The following MAPK8 variants were observed in gnomAD, a reference collection of about 807,000 sequenced individuals.
MAPK8 encodes the protein mitogen-activated protein kinase 8.
MAPK8 carries 13 observed loss-of-function variants against 52.9 expected under a neutral mutation model. The observed-to-expected ratio is 0.25, with a 90% CI of 0.16 to 0.39. The LOEUF (loss-of-function observed/expected upper bound fraction) is 0.39, where lower values mean the gene tolerates loss of function less well. Among genes scored for constraint, MAPK8 ranks in the 10% least tolerant of loss-of-function variants. The probability of loss-of-function intolerance (pLI) is 1.00; values close to 1 mark genes in which losing one functional copy is unlikely to be tolerated. For missense variants in MAPK8, 300 were observed against 519.2 expected, an observed-to-expected ratio of 0.58 and a Z score of 4.10; for synonymous variants, 191 against 169.8, an observed-to-expected ratio of 1.12 and a Z score of -0.97.
At chr10:48,351,943 C>T (rs550053745) in intron 1 of MAPK8, among the ~76,000 whole-genome samples, 12 of 152,204 alleles carry the variant, frequency 7.9e-5, no homozygotes, top group South Asian at 2.1e-4. Flanking sequence ...TGGAGCATTT[C>T]GGATTTCAGA....
At chr10:48,426,146 G>T in intron 8 of MAPK8, 76 bp downstream of exon 8, 1 of 1,269,192 alleles carries the variant, frequency 7.9e-7, no homozygotes. Context: ...GTGTTTATAT[G>T]TATTCATATT....
chr10:48,351,849 C>T (rs552578138), intron 1 of MAPK8, among the ~76,000 whole-genome samples: 14 of 152,134 alleles, frequency 9.2e-5, no homozygotes, highest in African/African-American at 3.1e-4. Flanking sequence ...TTGAGCATCC[C>T]GAATTCAAAA....
chr10:48,365,289 C>T (rs1394924124), intron 1 of MAPK8, among the ~76,000 whole-genome samples: 1 of 152,064 alleles, frequency 6.6e-6, no homozygotes, highest in African/African-American at 2.4e-5. Context: ...TTCTGTGTGG[C>T]TGTGGTATCA....
intron 2 of MAPK8, among the ~76,000 whole-genome samples, chr10:48,402,473 A>G (rs1347639502): frequency 6.6e-6 from 1 of 152,234 alleles, no homozygotes; most frequent in Non-Finnish European, 1.5e-5. Flanking sequence ...TATGTTTAAA[A>G]TTGATTTATT....
chr10:48,406,002 C>T (rs145345951), intron 3 of MAPK8, among the ~76,000 whole-genome samples: 12 of 152,244 alleles, frequency 7.9e-5, no homozygotes, highest in Non-Finnish European at 1.0e-4. Flanking sequence ...CATCACAAAG[C>T]AGTGGCCGTT....
intron 6 of MAPK8, among the ~76,000 whole-genome samples, chr10:48,423,805 CAG>C (rs757463882): frequency 4.4e-4 from 67 of 152,096 alleles, no homozygotes; most frequent in Admixed American, 7.9e-4. Flanking sequence ...AACAAGTTCT[CAG>C]GGACAAACAT....
chr10:48,431,103 A>G (rs937155364), intron 10 of MAPK8, 90 bp from the exon 11 acceptor site: 2 of 757,344 alleles, frequency 2.6e-6, no homozygotes, highest in East Asian at 2.6e-5. Flanking sequence ...AGTACTTCAC[A>G]TGTATAAAAA....
chr10:48,356,879 AAT>A (rs1447779819), intron 1 of MAPK8, among the ~76,000 whole-genome samples: 22 of 98,320 alleles, frequency 2.2e-4, no homozygotes, highest in African/African-American at 3.2e-4. Context: ...AAAAAAAAAA[AAT>A]CCAACTACGT....
chr10:48,336,656 T>C (rs1588982995), intron 1 of MAPK8, among the ~76,000 whole-genome samples: 1 of 141,696 alleles, frequency 7.1e-6, no homozygotes, highest in Non-Finnish European at 1.5e-5. Flanking sequence ...AAAATAACTT[T>C]TTCAAAAGAA....
intron 1 of MAPK8, among the ~76,000 whole-genome samples, chr10:48,318,050 G>A (rs927940397): frequency 6.6e-6 from 1 of 151,416 alleles, no homozygotes; most frequent in Non-Finnish European, 1.5e-5. Context: ...GTTCTCCAGA[G>A]AAACAGCAAA....
intron 1 of MAPK8, among the ~76,000 whole-genome samples, chr10:48,369,136 C>T (rs1020993337): frequency 6.6e-6 from 1 of 152,088 alleles, no homozygotes; most frequent in Non-Finnish European, 1.5e-5. Context: ...GAACCAACTT[C>T]AGAAGATCAT....
chr10:48,397,155 CT>C (rs200191115), intron 1 of MAPK8, among the ~76,000 whole-genome samples: 490 of 143,994 alleles, frequency 3.4e-3, no homozygotes, highest in African/African-American at 5.5e-3. Flanking sequence ...TTTGTATAAC[CT>C]TTTTTTTTTT....
intron 1 of MAPK8, among the ~76,000 whole-genome samples, chr10:48,369,649 C>A (rs917407117): frequency 1.3e-5 from 2 of 151,898 alleles, no homozygotes; most frequent in Admixed American, 1.3e-4. Flanking sequence ...GACAAGAGGG[C>A]CAAGACAGCC....
intron 2 of MAPK8, among the ~76,000 whole-genome samples, chr10:48,403,594 T>G (rs1422066820): frequency 6.6e-6 from 1 of 152,144 alleles, no homozygotes; most frequent in Non-Finnish European, 1.5e-5. Context: ...TTGGAGTCAT[T>G]TTGTAAGCCG....
rs2045106661 is a variant in MAPK8 at position 48,439,243 on chromosome 10, T to A, written c.*4214T>A. 6.7e-6 allele frequency: 1 copy of A among 150,334 alleles called. No homozygotes were observed. The highest frequency in any genetic ancestry group is 1.5e-5 in the Non-Finnish European group (1 of 67,752). The allele number at this position is 150,334 out of a possible 1,614,324, so 9.3% of individuals were successfully genotyped here. A position where few individuals can be genotyped will look rare whatever the true frequency, so the allele number is the denominator to read the frequency against. On this transcript the variant is annotated 3_prime_UTR_variant, in exon 12 of 12. Coordinates refer to ENST00000374189, the MANE Select transcript of MAPK8 (RefSeq NM_001323329.2). ...CTGAGATCATTATTGTGGTTTTTCA[T>A]CATTCATGCCCTAGTCATTAAACAT...
intron 1 of MAPK8, among the ~76,000 whole-genome samples, chr10:48,330,528 A>G (rs1332543256): frequency 6.6e-6 from 1 of 152,210 alleles, no homozygotes; most frequent in Admixed American, 6.5e-5. Flanking sequence ...AGAAATGTAG[A>G]ACAATGTGTG....
intron 1 of MAPK8, among the ~76,000 whole-genome samples, chr10:48,353,163 A>G (rs548619316): frequency 1.7e-4 from 26 of 152,334 alleles, no homozygotes; most frequent in South Asian, 1.7e-3. Flanking sequence ...ATAAATGACT[A>G]TTTTCCTAAA....
intron 1 of MAPK8, among the ~76,000 whole-genome samples, chr10:48,330,243 A>G (rs1844001666): frequency 6.6e-6 from 1 of 152,206 alleles, no homozygotes; most frequent in African/African-American, 2.4e-5. Context: ...GATTTGCAGC[A>G]TTGCTTTTTT....
chr10:48,347,600 A>G (rs1226476680), intron 1 of MAPK8, among the ~76,000 whole-genome samples: 1 of 151,962 alleles, frequency 6.6e-6, no homozygotes, highest in African/African-American at 2.4e-5. Context: ...CCCTGTGTCC[A>G]TGTGTTCTCA....
Sources: gnomAD v4.1 joint callset for allele counts (sites outside exome capture counted in the v4.1 genomes callset) on GRCh38, gnomAD v4.1.1 for gene constraint, MANE v1.5 for transcripts, NCBI Gene and HGNC (gene_info 2026-07-23, HGNC 2026-07-21) for gene names.